Variants in RBFOX3 observed in about 807,000 individuals in gnomAD.
The protein encoded by RBFOX3 is RNA binding fox-1 homolog 3.
Under a neutral mutation model 48.7 loss-of-function variants are expected in RBFOX3, and 17 were observed. The observed-to-expected ratio is 0.35, with a 90% CI of 0.24 to 0.52. The LOEUF is 0.52. RBFOX3 is among the 20% of genes least tolerant of loss of function. RBFOX3 has a pLI of 0.94. For synonymous variants in RBFOX3, 212 were observed against 209.5 expected (o/e 1.01, Z -0.10); for missense variants, 382 against 497.5 (o/e 0.77, Z 2.21).
Position 79,252,510 on chromosome 17 carries a change from G to A in RBFOX3, c.-73-16705C>T, listed in dbSNP as rs770765257. Reference sequence around the variant, plus strand: ...ACTGTCAGTTTGACCCAAGGAGTTCGGGGGCCTCTAGAGGCTGGAACAGGG... The same window carrying A: ...ACTGTCAGTTTGACCCAAGGAGTTCAGGGGCCTCTAGAGGCTGGAACAGGG... On this transcript the variant is annotated intron_variant, in intron 3 of 14. Coordinates refer to ENST00000693108, the MANE Select transcript of RBFOX3 (RefSeq NM_001350451.2). The surrounding 1 kb of genome is among the most constrained non-coding windows in gnomAD (Gnocchi z 4.0). Among the ~76,000 whole-genome samples, 12 of 152,034 alleles carry A rather than the reference G, an allele frequency of 7.9e-5. No homozygotes were observed. The highest frequency in any genetic ancestry group is 1.5e-4 in the Non-Finnish European group (10 of 67,976).
At chr17:79,573,347 C>CCA (rs1303432761) in intron 1 of RBFOX3, among the ~76,000 whole-genome samples, 382 of 152,140 alleles carry the variant, frequency 2.5e-3, no homozygotes, top group African/African-American at 6.3e-3. Context: ...AGCACTGCAT[C>CCA]CACACACACA....
intron 2 of RBFOX3, among the ~76,000 whole-genome samples, chr17:79,419,184 G>A (rs2065850810): frequency 6.6e-6 from 1 of 152,194 alleles, no homozygotes; most frequent in Admixed American, 6.5e-5. Context: ...TGTGTGTATG[G>A]ATGTTTCAGG....
chr17:79,417,232 G>A (rs750153729), intron 2 of RBFOX3, among the ~76,000 whole-genome samples: 4 of 152,206 alleles, frequency 2.6e-5, no homozygotes, highest in Non-Finnish European at 5.9e-5. Flanking sequence ...CTTGCTCCCC[G>A]TAAGAGTCTC....
At chr17:79,633,638 C>A in the RBFOX3 span, among the ~76,000 whole-genome samples, 4 of 152,112 alleles carry the variant, frequency 2.6e-5, no homozygotes, top group Non-Finnish European at 2.9e-5. Context: ...GTGCTCCACA[C>A]CCTGAGGGCC....
intron 3 of RBFOX3, among the ~76,000 whole-genome samples, chr17:79,282,151 G>C (rs948008964): frequency 2.6e-5 from 4 of 152,182 alleles, no homozygotes; most frequent in Admixed American, 6.6e-5. Flanking sequence ...CTGGAGGGGG[G>C]CTTGGCAGCA....
chr17:79,323,485 C>T (rs2078849589), intron 2 of RBFOX3, among the ~76,000 whole-genome samples: 1 of 152,170 alleles, frequency 6.6e-6, no homozygotes, highest in African/African-American at 2.4e-5. Context: ...TTAAGCCCCA[C>T]CTTGCCACCC....
intron 2 of RBFOX3, among the ~76,000 whole-genome samples, chr17:79,320,695 T>C (rs78724171): frequency 5.3e-5 from 8 of 151,460 alleles, no homozygotes; most frequent in Non-Finnish European, 8.8e-5. Flanking sequence ...GCGTTGCCAA[T>C]AGAGCCCTCA....
At chr17:79,216,845 C>A (rs1003424188) in intron 4 of RBFOX3, among the ~76,000 whole-genome samples, 44 of 152,290 alleles carry the variant, frequency 2.9e-4, no homozygotes, top group Admixed American at 6.5e-5. Flanking sequence ...AGTGGCAGAG[C>A]CAGATCCCAG....
At position 79,391,468 on chromosome 17, in the gene RBFOX3, T is replaced by C. The variant is rs9912528; in HGVS notation, c.-174-83644A>G. Reference sequence around the variant, plus strand: ...AATAATGGGTGGTATCATAACATCTTCCTGAATTATTATCTAAAATGTCAA... The same window carrying C: ...AATAATGGGTGGTATCATAACATCTCCCTGAATTATTATCTAAAATGTCAA... On this transcript the variant is annotated intron_variant, in intron 2 of 14. Coordinates refer to ENST00000693108, the MANE Select transcript of RBFOX3 (RefSeq NM_001350451.2). The surrounding 1 kb of genome is among the most constrained non-coding windows in gnomAD (Gnocchi z 5.0). Among the ~76,000 whole-genome samples, 31,359 of 152,174 alleles carry C rather than the reference T, an allele frequency of 0.21. 3,384 individuals are homozygous for C. The highest frequency in any genetic ancestry group is 0.24 in the East Asian group (1,245 of 5,164).
At chr17:79,576,899 A>G (rs2144695321) in intron 1 of RBFOX3, among the ~76,000 whole-genome samples, 1 of 152,282 alleles carries the variant, frequency 6.6e-6, no homozygotes, top group Non-Finnish European at 1.5e-5. Flanking sequence ...CTGGTCCCAG[A>G]CACTTGTAGT....
intron 4 of RBFOX3, among the ~76,000 whole-genome samples, chr17:79,184,470 C>T (rs1412550048): frequency 6.6e-6 from 1 of 152,184 alleles, no homozygotes; most frequent in Non-Finnish European, 1.5e-5. Context: ...TGTGACTGTG[C>T]ACACACCTGC....
At chr17:79,581,461 G>A (rs1466297750) in intron 1 of RBFOX3, among the ~76,000 whole-genome samples, 1 of 152,228 alleles carries the variant, frequency 6.6e-6, no homozygotes, top group African/African-American at 2.4e-5. Flanking sequence ...CAGGAAAGAA[G>A]ATGGAATGAA....
chr17:79,236,544 C>T (rs1351601566), intron 3 of RBFOX3, among the ~76,000 whole-genome samples: 1 of 152,090 alleles, frequency 6.6e-6, no homozygotes, highest in East Asian at 1.9e-4. Flanking sequence ...ACCCACCTTG[C>T]CCTGCACATT....
intron 1 of RBFOX3, among the ~76,000 whole-genome samples, chr17:79,581,803 A>G (rs1249809749): frequency 1.3e-5 from 2 of 152,220 alleles, no homozygotes; most frequent in Admixed American, 6.5e-5. Context: ...GGGATTTGGC[A>G]TGGTTTTCAT....
chr17:79,198,295 A>G lies in RBFOX3; in HGVS notation c.-34+37471T>C, dbSNP rs942465223. On this transcript the variant is annotated intron_variant, in intron 4 of 14. Transcript: ENST00000693108. This position sits in a 1 kb window ranked among gnomAD's most constrained non-coding sequence, Gnocchi z 8.2. ...CCTGCCCTGCACCTCTCCATCCCAC[A>G]TGAGGCGACCTTGCAGGCACAGGTG... Among the ~76,000 whole-genome samples the G allele has an allele frequency of 6.6e-6, 1 of 152,176 alleles. No individual in the cohort carries two copies. The highest frequency in any genetic ancestry group is 2.4e-5 in the African/African-American group (1 of 41,450).
At position 79,138,941 on chromosome 17, in the gene RBFOX3, AC is replaced by A. The variant is rs35354104; in HGVS notation, c.-33-23194del. Among the ~76,000 whole-genome samples the A allele has an allele frequency of 4.5e-4, 38 of 84,888 alleles. 2 individuals carry two copies. Among genetic ancestry groups the A allele is most frequent in the Middle Eastern group, 0.01 (1 of 100 alleles). The allele number at this position is 84,888 out of a possible 152,430, so 55.7% of individuals were successfully genotyped here. ...ACACGCACACAGCACATGCATTCAC[AC>A]CCCCCTCAGCCCCACACATGCACAC... On this transcript the variant is annotated intron_variant, in intron 4 of 14. Transcript: ENST00000693108.
At chr17:79,369,452 C>T (rs8079646) in intron 2 of RBFOX3, among the ~76,000 whole-genome samples, 25,780 of 151,920 alleles carry the variant, frequency 0.17, 2,422 homozygotes, top group East Asian at 0.35. Flanking sequence ...ACCCCCAGAA[C>T]TCAAATGGCC....
chr17:79,202,885 G>C (rs2056973192), intron 4 of RBFOX3, among the ~76,000 whole-genome samples: 1 of 152,222 alleles, frequency 6.6e-6, no homozygotes, highest in Non-Finnish European at 1.5e-5. Context: ...TGGACGGGGA[G>C]AGGACCTGGT....
In RBFOX3 at chr17:79,477,472, C is replaced by T. The variant is rs372169861; in HGVS notation, c.-175+4982G>A. ...TTGGGAGGCTGAGGCAGGAGAATGG[C>T]GTGAACCCGGGAGGCGGAGTTTGCA... is the stretch of plus-strand genomic sequence containing the variant. On this transcript the variant is annotated intron_variant, in intron 2 of 14. Transcript: ENST00000693108. This position sits in a 1 kb window ranked among gnomAD's most constrained non-coding sequence, Gnocchi z 4.8. Among the ~76,000 whole-genome samples, 732 of 151,732 alleles carry T rather than the reference C, an allele frequency of 4.8e-3. 3 individuals are homozygous for T. The highest frequency in any genetic ancestry group is 0.023 in the East Asian group (117 of 5,108).
Sources: gnomAD v4.1 joint callset for allele counts (sites outside exome capture counted in the v4.1 genomes callset) on GRCh38, gnomAD v4.1.1 for gene constraint, Gnocchi (gnomAD v3.1) non-coding constraint, MANE v1.5 for transcripts, NCBI Gene and HGNC (gene_info 2026-07-23, HGNC 2026-07-21) for gene names.